VEPH1: variants seen among roughly 807,000 people sequenced by gnomAD.
The protein encoded by VEPH1 is ventricular zone expressed PH domain containing 1, also known as ventricular zone-expressed PH domain-containing protein homolog 1.
VEPH1 carries 80 observed loss-of-function variants against 85.2 expected under a neutral mutation model. The ratio of observed to expected loss-of-function variants is 0.94; its 90% CI spans 0.78 to 1.13. The LOEUF (loss-of-function observed/expected upper bound fraction) is 1.13, where lower values mean the gene tolerates loss of function less well. Ranked by LOEUF, VEPH1 falls within the 50% of genes most tolerant of loss-of-function variation. The pLI, the probability that VEPH1 is intolerant of heterozygous loss-of-function variation, is 0.00. For missense variants in VEPH1, 955 were observed against 980.5 expected, an observed-to-expected ratio of 0.97 and a Z score of 0.35; for synonymous variants, 297 against 348.0, an observed-to-expected ratio of 0.85 and a Z score of 1.63.
At chr3:157,307,425 G>C (rs1719637750) in intron 11 of VEPH1, among the ~76,000 whole-genome samples, 2 of 151,870 alleles carry the variant, frequency 1.3e-5, no homozygotes, top group Non-Finnish European at 2.9e-5. Context: ...GGAGTTAATT[G>C]ATCTATATGG....
intron 7 of VEPH1, among the ~76,000 whole-genome samples, chr3:157,380,707 T>C (rs1030154462): frequency 6.6e-6 from 1 of 152,192 alleles, no homozygotes; most frequent in Admixed American, 6.5e-5. Context: ...GCATAACCTT[T>C]CGGCCATTCT....
chr3:157,314,552 A>C (rs1309899556), intron 10 of VEPH1, among the ~76,000 whole-genome samples: 1 of 151,962 alleles, frequency 6.6e-6, no homozygotes, highest in Non-Finnish European at 1.5e-5. Flanking sequence ...GGTTAATATA[A>C]ATATTCATAT....
At chr3:157,381,080 G>A (rs1184916244) in intron 7 of VEPH1, 76 bp downstream of exon 7, 1 of 1,460,922 alleles carries the variant, frequency 6.8e-7, no homozygotes, top group Non-Finnish European at 9.6e-7. Flanking sequence ...TTGGAAGTTA[G>A]AGAGGCTTAA....
chr3:157,370,318 A>T (rs1240332448), intron 7 of VEPH1, among the ~76,000 whole-genome samples: 2 of 152,146 alleles, frequency 1.3e-5, no homozygotes, highest in Admixed American at 6.5e-5. Context: ...CTGGCTCCTT[A>T]AATCAAAGAA....
chr3:157,391,757 A>G (rs1014513961), intron 6 of VEPH1, among the ~76,000 whole-genome samples: 6 of 152,266 alleles, frequency 3.9e-5, no homozygotes, highest in Non-Finnish European at 8.8e-5. Context: ...GAGATACCAT[A>G]CAAAATGAAC....
At chr3:157,298,842 GA>G (rs1718425432) in intron 11 of VEPH1, among the ~76,000 whole-genome samples, 2 of 152,088 alleles carry the variant, frequency 1.3e-5, no homozygotes, top group Non-Finnish European at 2.9e-5. Context: ...CCCTAAGGGG[GA>G]AAGGGTAATA....
chr3:157,480,751 A>G (rs1437280126), intron 2 of VEPH1, among the ~76,000 whole-genome samples: 1 of 152,162 alleles, frequency 6.6e-6, no homozygotes, highest in Non-Finnish European at 1.5e-5. Context: ...TAGTGCTGCA[A>G]TGAACATAAA....
At chr3:157,477,734 G>T (rs1047288442) in intron 2 of VEPH1, among the ~76,000 whole-genome samples, 2 of 152,104 alleles carry the variant, frequency 1.3e-5, no homozygotes, top group African/African-American at 2.4e-5. Context: ...CACGTAAATG[G>T]AATAGCTATG....
chr3:157,391,687 CT>C (rs1729867706), intron 6 of VEPH1, among the ~76,000 whole-genome samples: 1 of 152,154 alleles, frequency 6.6e-6, no homozygotes, highest in Non-Finnish European at 1.5e-5. Context: ...TTCACAAAAA[CT>C]TTCCTAATCT....
intron 7 of VEPH1, among the ~76,000 whole-genome samples, chr3:157,376,173 T>C (rs1728080554): frequency 6.6e-6 from 1 of 152,212 alleles, no homozygotes; most frequent in Non-Finnish European, 1.5e-5. Context: ...CTGCTTTCTC[T>C]CCACAATTTC....
At chr3:157,448,309 C>T (rs1734703668) in intron 4 of VEPH1, among the ~76,000 whole-genome samples, 1 of 152,140 alleles carries the variant, frequency 6.6e-6, no homozygotes, top group African/African-American at 2.4e-5. Context: ...AGACTTTCTA[C>T]TTAAGTTTCC....
At chr3:157,437,393 G>A in intron 4 of VEPH1, 1 of 1,237,630 alleles carries the variant, frequency 8.1e-7, no homozygotes, top group Admixed American at 2.1e-5. Context: ...TGTCCTTAAA[G>A]GGAAGGGGAA....
At chr3:157,308,867 G>A (rs1006623829) in intron 11 of VEPH1, among the ~76,000 whole-genome samples, 5 of 151,998 alleles carry the variant, frequency 3.3e-5, no homozygotes, top group African/African-American at 9.7e-5. Context: ...TAATAATGCT[G>A]TCTATCTCAT....
chr3:157,406,727 T>C (rs1042189120), intron 6 of VEPH1, among the ~76,000 whole-genome samples: 6 of 133,594 alleles, frequency 4.5e-5, no homozygotes, highest in African/African-American at 1.8e-4. Flanking sequence ...CAAGTGGCCA[T>C]AGCATCCTTC....
At chr3:157,437,805 C>T in intron 4 of VEPH1, 1 of 1,461,630 alleles carries the variant, frequency 6.8e-7, no homozygotes, top group South Asian at 1.4e-5. Flanking sequence ...AGGCGCAGCG[C>T]CCAGAGGAGG....
intron 9 of VEPH1, among the ~76,000 whole-genome samples, chr3:157,346,669 G>A (rs1179418022): frequency 3.3e-5 from 5 of 151,960 alleles, no homozygotes; most frequent in Non-Finnish European, 5.9e-5. Flanking sequence ...GTGTGGTGGT[G>A]CAATCACACT....
At chr3:157,490,203 G>T (rs948256000) in intron 2 of VEPH1, among the ~76,000 whole-genome samples, 2 of 151,726 alleles carry the variant, frequency 1.3e-5, no homozygotes, top group African/African-American at 4.8e-5. Flanking sequence ...AACAGGAGAA[G>T]CTTAATATAA....
chr3:157,377,433 T>C (rs1375206789), intron 7 of VEPH1, among the ~76,000 whole-genome samples: 9 of 152,228 alleles, frequency 5.9e-5, no homozygotes, highest in African/African-American at 2.2e-4. Flanking sequence ...TAAATTCTTC[T>C]TTTCATGGGG....
chr3:157,493,329 G>A (rs1235057740), intron 2 of VEPH1: 1 of 455,534 alleles, frequency 2.2e-6, no homozygotes, highest in Admixed American at 2.4e-5. Context: ...TGATTACTGA[G>A]ATCCAAGGTC....
Sources: allele counts gnomAD v4.1 joint callset (sites outside exome capture counted in the v4.1 genomes callset), GRCh38; gene constraint gnomAD v4.1.1; transcripts MANE v1.5; gene names NCBI Gene and HGNC (gene_info 2026-07-23, HGNC 2026-07-21).